The following TBC1D8B variants were observed in gnomAD, a reference collection of about 807,000 sequenced individuals.
TBC1D8B encodes the protein RP11-321G1.1.
In TBC1D8B, 75 loss-of-function variants were observed where a neutral mutation model predicts 82.9. That is an observed-to-expected ratio of 0.90 (90% CI 0.75 to 1.10). TBC1D8B has a LOEUF of 1.10. TBC1D8B is among the 50% of genes least tolerant of loss of function. TBC1D8B has a pLI of 0.00. For synonymous variants in TBC1D8B, 276 were observed against 276.8 expected (o/e 1.00, Z 0.03); for missense variants, 794 against 796.9 (o/e 1.00, Z 0.04).
intron 7 of TBC1D8B, among the ~76,000 whole-genome samples, chrX:106,833,677 G>A (rs1460031839): frequency 9.0e-6 from 1 of 111,509 alleles, no homozygotes; most frequent in African/African-American, 3.3e-5. Flanking sequence ...GAATACTTAA[G>A]AGGCAATAAT....
chrX:106,873,545 G>A, intron 20 of TBC1D8B, 25 bp from the exon 21 acceptor site: 2 of 1,168,885 alleles, frequency 1.7e-6, no homozygotes, highest in South Asian at 4.0e-5. Context: ...ATTCAAACGT[G>A]ATATTTTCAA....
intron 8 of TBC1D8B, 35 bp from the exon 9 acceptor site, chrX:106,840,013 T>G: frequency 8.7e-7 from 1 of 1,154,132 alleles, no homozygotes; most frequent in East Asian, 3.0e-5. Context: ...AATTTCTCAC[T>G]AAATTTAGTT....
intron 1 of TBC1D8B, among the ~76,000 whole-genome samples, chrX:106,817,404 G>A (rs1484254772): frequency 9.0e-6 from 1 of 111,334 alleles, no homozygotes; most frequent in African/African-American, 3.3e-5. Flanking sequence ...AATCTGAAAT[G>A]TTCCAAAATC....
intron 1 of TBC1D8B, chrX:106,815,508 T>G (rs1931516632): frequency 8.9e-6 from 1 of 111,818 alleles, no homozygotes; most frequent in Non-Finnish European, 1.9e-5. Context: ...TCTTTTGCCT[T>G]AGGATTGACT....
At chrX:106,859,039 G>A (rs1366381666) in intron 14 of TBC1D8B, among the ~76,000 whole-genome samples, 1 of 111,575 alleles carries the variant, frequency 9.0e-6, no homozygotes, top group Non-Finnish European at 1.9e-5. Flanking sequence ...CTTTATTTCT[G>A]GGCACTCCAT....
At chrX:106,841,804 A>G (rs752481552) in intron 10 of TBC1D8B, among the ~76,000 whole-genome samples, 26 of 111,783 alleles carry the variant, frequency 2.3e-4, no homozygotes, top group African/African-American at 8.1e-4. Flanking sequence ...TCCCGAGTAC[A>G]TTTTCATCAC....
chrX:106,804,965 G>A (rs189601898), intron 1 of TBC1D8B, among the ~76,000 whole-genome samples: 3 of 108,786 alleles, frequency 2.8e-5, no homozygotes, highest in African/African-American at 6.7e-5. Context: ...ATTTATTTTC[G>A]TTCCTCATAC....
intron 14 of TBC1D8B, among the ~76,000 whole-genome samples, chrX:106,856,522 T>C (rs985263562): frequency 9.0e-6 from 1 of 111,063 alleles, no homozygotes; most frequent in Admixed American, 9.6e-5. Flanking sequence ...TTTTTTATTA[T>C]GTAATATTAT....
At chrX:106,807,447 C>G (rs1170122969) in intron 1 of TBC1D8B, among the ~76,000 whole-genome samples, 1 of 103,387 alleles carries the variant, frequency 9.7e-6, no homozygotes, top group Non-Finnish European at 1.9e-5. Flanking sequence ...ATCAGTGTTA[C>G]CCTCACCTTT....
chrX:106,828,741 AC>A (rs1305542065), intron 7 of TBC1D8B: 3 of 109,251 alleles, frequency 2.7e-5, no homozygotes, highest in East Asian at 2.8e-4. Flanking sequence ...AAATTCAACA[AC>A]CCTTCATGCT....
chrX:106,835,505 C>T (rs1015947200), intron 7 of TBC1D8B, among the ~76,000 whole-genome samples: 17 of 112,259 alleles, frequency 1.5e-4, no homozygotes, highest in African/African-American at 4.9e-4. Context: ...GATTAACATT[C>T]GGCTCCTGTT....
chrX:106,867,152 A>G (rs1484225967), intron 17 of TBC1D8B, among the ~76,000 whole-genome samples: 1 of 111,799 alleles, frequency 8.9e-6, no homozygotes, highest in Non-Finnish European at 1.9e-5. Context: ...GATTGTTGGT[A>G]TAATGTTGAA....
intron 1 of TBC1D8B, chrX:106,814,545 CT>C (rs1309419831): frequency 9.3e-6 from 1 of 106,981 alleles, no homozygotes; most frequent in East Asian, 2.9e-4. Flanking sequence ...ATTTATAGTC[CT>C]TTGGGTATAT....
At chrX:106,807,522 T>C (rs189974485) in intron 1 of TBC1D8B, among the ~76,000 whole-genome samples, 1 of 107,260 alleles carries the variant, frequency 9.3e-6, no homozygotes, top group African/African-American at 3.4e-5. Flanking sequence ...AAAACTAATA[T>C]TTGGTTTCAA....
At chrX:106,861,872 G>A (rs1045667286) in intron 14 of TBC1D8B, among the ~76,000 whole-genome samples, 2 of 111,973 alleles carry the variant, frequency 1.8e-5, no homozygotes, top group Non-Finnish European at 1.9e-5. Flanking sequence ...TGTAGTGGCT[G>A]ATAATCGTCT....
At position 106,823,353 on chromosome X, in the gene TBC1D8B, C is replaced by T. The variant is rs745629515; in HGVS notation, c.714C>T (p.Asn238=). The T allele has an allele frequency of 5.0e-6, 6 of 1,210,357 alleles. No homozygotes were observed. The South Asian group carries it at 1.1e-4, about 21-fold the overall frequency. ...ACTTTTCAATGTTTTTGCACATTAA[C>T]CAAACATACCTTCTTATGGAACAGC... The part of the protein sequence containing the change: ...NHYFSMFLHI[N]QTYLLMEQLA... Residue 238 remains asparagine (N), a synonymous_variant, in exon 5 of 21, where the codon AAC becomes AAT. Coordinates refer to ENST00000357242, the MANE Select transcript of TBC1D8B (RefSeq NM_017752.3).
intron 12 of TBC1D8B, among the ~76,000 whole-genome samples, chrX:106,851,154 C>A (rs1932577639): frequency 8.9e-6 from 1 of 112,223 alleles, no homozygotes; most frequent in Non-Finnish European, 1.9e-5. Context: ...CTTTCGGAGG[C>A]CGAGGCAGGT....
rs956852142 is a variant in TBC1D8B at position 106,823,558 on chromosome X, A to G, written c.827+92A>G. On this transcript the variant is annotated intron_variant, in intron 5 of 20. Coordinates refer to ENST00000357242, the MANE Select transcript of TBC1D8B (RefSeq NM_017752.3). ...TACCATTAAAAGTTAACTCTTCTATATTATATGATAGGGTTTTTTTTGGAG... is the reference window on the plus strand; with the variant it reads ...TACCATTAAAAGTTAACTCTTCTATGTTATATGATAGGGTTTTTTTTGGAG... 5.0e-6 allele frequency: 5 copies of G among 1,004,805 alleles called. No homozygotes were observed. In the African/African-American group the frequency reaches 5.8e-5, roughly 12 times the overall value. The allele number at this position is 1,004,805 out of a possible 1,213,427, so 82.8% of individuals were successfully genotyped here. A position where few individuals can be genotyped will look rare whatever the true frequency, so the allele number is the denominator to read the frequency against.
intron 12 of TBC1D8B, among the ~76,000 whole-genome samples, chrX:106,851,809 T>G (rs1275372345): frequency 2.7e-5 from 3 of 112,342 alleles, no homozygotes; most frequent in Non-Finnish European, 5.6e-5. Context: ...TAATCCAGTC[T>G]ATCGTTGTTG....
Sources: allele counts gnomAD v4.1 joint callset (sites outside exome capture counted in the v4.1 genomes callset), GRCh38; gene constraint gnomAD v4.1.1; transcripts MANE v1.5; gene names NCBI Gene and HGNC (gene_info 2026-07-23, HGNC 2026-07-21).